The following LHFPL2 variants were observed in gnomAD, a reference collection of about 807,000 sequenced individuals.
LHFPL2 encodes the protein LHFPL tetraspan subfamily member 2, also known as LHFPL tetraspan subfamily member 2 protein.
A neutral mutation model predicts 17.5 loss-of-function variants in LHFPL2; 7 were observed. That is an observed-to-expected ratio of 0.40 (90% CI 0.23 to 0.75). LHFPL2 has a LOEUF of 0.75. Ranked by LOEUF, LHFPL2 falls within the 30% of genes least tolerant of loss-of-function variation. The pLI, the probability that LHFPL2 is intolerant of heterozygous loss-of-function variation, is 0.37. For synonymous variants in LHFPL2, 134 were observed against 116.2 expected, an observed-to-expected ratio of 1.15 and a Z score of -0.99; for missense variants, 241 against 294.8, an observed-to-expected ratio of 0.82 and a Z score of 1.34.
intron 2 of LHFPL2, among the ~76,000 whole-genome samples, chr5:78,583,134 G>C (rs1743213475): frequency 6.6e-6 from 1 of 151,438 alleles, no homozygotes; most frequent in Non-Finnish European, 1.5e-5. Flanking sequence ...CCATTTGCTT[G>C]GTAGATCTTC....
chr5:78,628,288 T>C (rs954145263), intron 2 of LHFPL2, among the ~76,000 whole-genome samples: 7 of 152,182 alleles, frequency 4.6e-5, no homozygotes, highest in Non-Finnish European at 8.8e-5. Context: ...CTCCTCTAAT[T>C]TAAGGCCTAC....
At chr5:78,635,038 C>T (rs1231681333) in intron 1 of LHFPL2, among the ~76,000 whole-genome samples, 3 of 152,200 alleles carry the variant, frequency 2.0e-5, no homozygotes, top group African/African-American at 7.2e-5. Flanking sequence ...TCTTCACAGA[C>T]ATTCCCAGAG....
rs1187526359 is a variant in LHFPL2 at position 78,615,660 on chromosome 5, C to G, written c.-245+16604G>C. Among the ~76,000 whole-genome samples the G allele has an allele frequency of 3.9e-5, 6 of 152,288 alleles. No individual in the cohort carries two copies. The East Asian group carries it at 7.7e-4, about 20-fold the overall frequency. ...AGCCCTTTCCCTTATTCAGCCTAAT[C>G]TAAAAGAACTCAGATTGTCCCAAAA... On this transcript the variant is annotated intron_variant, in intron 2 of 4. Transcript: ENST00000380345.
At chr5:78,551,283 T>C (rs1457637886) in intron 3 of LHFPL2, among the ~76,000 whole-genome samples, 1 of 152,212 alleles carries the variant, frequency 6.6e-6, no homozygotes, top group Non-Finnish European at 1.5e-5. Context: ...ATAAACAAGG[T>C]AACTTCTTGG....
At chr5:78,630,863 T>C (rs1745218178) in intron 2 of LHFPL2, among the ~76,000 whole-genome samples, 1 of 152,190 alleles carries the variant, frequency 6.6e-6, no homozygotes, top group South Asian at 2.1e-4. Flanking sequence ...GACAGTAGTC[T>C]GGCTAGATTT....
intron 2 of LHFPL2, among the ~76,000 whole-genome samples, chr5:78,592,242 C>T (rs1743652149): frequency 6.6e-6 from 1 of 152,216 alleles, no homozygotes; most frequent in African/African-American, 2.4e-5. Flanking sequence ...AAGGCATTCT[C>T]TCCCAAACGC....
chr5:78,553,995 G>T (rs897880618), intron 3 of LHFPL2, among the ~76,000 whole-genome samples: 1 of 152,176 alleles, frequency 6.6e-6, no homozygotes, highest in African/African-American at 2.4e-5. Context: ...TTCTCCCTGC[G>T]TTCCCCATTT....
chr5:78,508,046 C>T (rs1220067157), intron 4 of LHFPL2, among the ~76,000 whole-genome samples: 1 of 151,964 alleles, frequency 6.6e-6, no homozygotes, highest in Non-Finnish European at 1.5e-5. Context: ...AATGATGAAT[C>T]AATCTTGAAA....
chr5:78,571,385 A>G (rs1043758484), intron 2 of LHFPL2, among the ~76,000 whole-genome samples: 1 of 152,158 alleles, frequency 6.6e-6, no homozygotes, highest in African/African-American at 2.4e-5. Flanking sequence ...TCTTCCACGC[A>G]GCCTTCTCTG....
chr5:78,539,134 A>G (rs566647958), intron 3 of LHFPL2, among the ~76,000 whole-genome samples: 1 of 152,280 alleles, frequency 6.6e-6, no homozygotes, highest in African/African-American at 2.4e-5. Flanking sequence ...TGGGATCAGC[A>G]TCCTTCCAAA....
chr5:78,623,274 T>C (rs1306228128), intron 2 of LHFPL2, among the ~76,000 whole-genome samples: 1 of 152,226 alleles, frequency 6.6e-6, no homozygotes, highest in Non-Finnish European at 1.5e-5. Context: ...TTAATTTTTA[T>C]AGCGGATTGG....
chr5:78,494,375 CAACTT>C, intron 4 of LHFPL2: 2 of 985,358 alleles, frequency 2.0e-6, no homozygotes, highest in Non-Finnish European at 2.4e-6. Flanking sequence ...TGCGATGGCT[CAACTT>C]GACAGAATGG....
intron 4 of LHFPL2, among the ~76,000 whole-genome samples, chr5:78,493,536 G>T (rs931696115): frequency 6.6e-6 from 1 of 152,184 alleles, no homozygotes; most frequent in Non-Finnish European, 1.5e-5. Context: ...TAATGCCTGT[G>T]CTTAGAATGA....
intron 1 of LHFPL2, among the ~76,000 whole-genome samples, chr5:78,647,829 GAAA>G (rs1009848200): frequency 2.1e-5 from 3 of 144,966 alleles, no homozygotes; most frequent in Non-Finnish European, 3.0e-5. Flanking sequence ...GAAGGGAAAA[GAAA>G]AAAAAAAACT....
At position 78,487,059 on chromosome 5, in the gene LHFPL2, T is replaced by G. The variant is rs553056587; in HGVS notation, c.*1838A>C. ...ATGGTTAAGGTTTCCTAGGCTGCTATGAAGATACCCGTTTTTTTCTTCACC... is the reference window on the plus strand; with the variant it reads ...ATGGTTAAGGTTTCCTAGGCTGCTAGGAAGATACCCGTTTTTTTCTTCACC... On this transcript the variant is annotated 3_prime_UTR_variant, in exon 5 of 5. Coordinates refer to ENST00000380345, the MANE Select transcript of LHFPL2 (RefSeq NM_005779.3). The G allele has an allele frequency of 4.6e-5, 7 of 152,324 alleles. No homozygotes were observed. The South Asian group carries it at 1.2e-3, about 27-fold the overall frequency. 9.4% of individuals were successfully genotyped at this position (152,324 alleles called of 1,614,324 possible). A position where few individuals can be genotyped will look rare whatever the true frequency, so the allele number is the denominator to read the frequency against.
intron 2 of LHFPL2, among the ~76,000 whole-genome samples, chr5:78,609,471 A>AAAAAAAAAAAAAAAAG: frequency 6.9e-6 from 1 of 145,358 alleles, no homozygotes. Flanking sequence ...AAAAAAAAAA[A>AAAAAAAAAAAAAAAAG]AAAAAGAGAG....
In LHFPL2 at chr5:78,487,966, C is replaced by T. The variant is rs1180411919; in HGVS notation, c.*931G>A. ...ACCAAACTGGGAGTAAAGGTCTCCC[C>T]CCAAGTGCCGAGATTCTGGCAGGTC... is the stretch of plus-strand genomic sequence containing the variant. On this transcript the variant is annotated 3_prime_UTR_variant, in exon 5 of 5. Coordinates refer to ENST00000380345, the MANE Select transcript of LHFPL2 (RefSeq NM_005779.3). 2.6e-5 allele frequency: 4 copies of T among 152,130 alleles called. No individual in the cohort carries two copies. Among genetic ancestry groups the T allele is most frequent in the Admixed American group, 2.6e-4 (4 of 15,272 alleles). The allele number at this position is 152,130 out of a possible 1,614,324, so 9.4% of individuals were successfully genotyped here.
intron 2 of LHFPL2, among the ~76,000 whole-genome samples, chr5:78,566,423 T>C (rs1260661646): frequency 6.6e-6 from 1 of 152,122 alleles, no homozygotes; most frequent in Non-Finnish European, 1.5e-5. Context: ...ACAAAAGAAT[T>C]CTGAATTCAT....
intron 2 of LHFPL2, among the ~76,000 whole-genome samples, chr5:78,620,482 C>A (rs10491475): frequency 0.31 from 46,953 of 152,040 alleles, 8,823 homozygotes; most frequent in Non-Finnish European, 0.43. Flanking sequence ...CAGTGATCAT[C>A]TAAGGGAGCA....
Sources: allele counts gnomAD v4.1 joint callset (sites outside exome capture counted in the v4.1 genomes callset), GRCh38; gene constraint gnomAD v4.1.1; transcripts MANE v1.5; gene names NCBI Gene and HGNC (gene_info 2026-07-23, HGNC 2026-07-21).